The following DSTYK variants were observed in gnomAD, a reference collection of about 807,000 sequenced individuals.
DSTYK encodes RIP-homologous kinase.
Under a neutral mutation model 98.7 loss-of-function variants are expected in DSTYK, and 34 were observed. That is an observed-to-expected ratio of 0.34 (90% CI 0.26 to 0.46). The LOEUF (loss-of-function observed/expected upper bound fraction) is 0.46, where lower values mean the gene tolerates loss of function less well. Among genes scored for constraint, DSTYK ranks in the 20% least tolerant of loss-of-function variants. The pLI is 1.00. For synonymous variants in DSTYK, 462 were observed against 457.3 expected, an observed-to-expected ratio of 1.01 and a Z score of -0.13; for missense variants, 962 against 1,181.7, an observed-to-expected ratio of 0.81 and a Z score of 2.73.
At chr1:205,202,510 G>C in intron 1 of DSTYK, 1 of 866,716 alleles carries the variant, frequency 1.2e-6, no homozygotes, top group East Asian at 2.4e-5. Flanking sequence ...TAAGGGTTTA[G>C]ATGTAGATTC....
Position 205,169,329 on chromosome 1 carries a change from G to A in DSTYK, c.1158C>T (p.Ile386=). The A allele has an allele frequency of 6.2e-7, 1 of 1,614,134 alleles. No individual in the cohort carries two copies. Among genetic ancestry groups the A allele is most frequent in the Non-Finnish European group, 8.5e-7 (1 of 1,180,030 alleles). Reference sequence around the variant, plus strand: ...GAGTATATTCCAGACGTTTGGGAGTGATCTGCAGGTCCCGCTGCATGTCAA... The same window carrying A: ...GAGTATATTCCAGACGTTTGGGAGTAATCTGCAGGTCCCGCTGCATGTCAA... ...QAFDMQRDLQ[I]TPKRLEYTRK... Residue 386 remains isoleucine (I), a synonymous_variant, in exon 3 of 13, where the codon ATC becomes ATT. Coordinates refer to ENST00000367162, the MANE Select transcript of DSTYK (RefSeq NM_015375.3). The surrounding 1 kb of genome is among the most constrained non-coding windows in gnomAD (Gnocchi z 4.0).
chr1:205,156,160 C>A (rs1657553444), intron 10 of DSTYK, among the ~76,000 whole-genome samples: 1 of 152,200 alleles, frequency 6.6e-6, no homozygotes, highest in South Asian at 2.1e-4. Flanking sequence ...CCATGGAGAA[C>A]CTTTGCTAGG....
In DSTYK at chr1:205,150,004, G is replaced by A. The variant is rs1657356337; in HGVS notation, c.2467+676C>T. On this transcript the variant is annotated intron_variant, in intron 11 of 12. Coordinates refer to ENST00000367162, the MANE Select transcript of DSTYK (RefSeq NM_015375.3). The surrounding 1 kb of genome is among the most constrained non-coding windows in gnomAD (Gnocchi z 4.1). ...ACCTTTTAGCTCAATGGTTTTGGGA[G>A]TAGGTTTCTTCATCAATCTGGTCTC... Among the ~76,000 whole-genome samples, 1 of 152,150 alleles carries A rather than the reference G, an allele frequency of 6.6e-6. No individual in the cohort carries two copies. The highest frequency in any genetic ancestry group is 6.5e-5 in the Admixed American group (1 of 15,270).
intron 10 of DSTYK, 78 bp downstream of exon 10, chr1:205,157,195 C>A: frequency 7.9e-7 from 1 of 1,259,276 alleles, no homozygotes; most frequent in Non-Finnish European, 1.1e-6. Context: ...TAGGATCTAA[C>A]TTACATTTAC....
At chr1:205,192,807 A>G (rs772970443) in intron 1 of DSTYK, among the ~76,000 whole-genome samples, 6 of 152,180 alleles carry the variant, frequency 3.9e-5, no homozygotes, top group Non-Finnish European at 7.3e-5. Context: ...GGTTGTAGTG[A>G]GCCGAGATAA....
chr1:205,187,671 A>G lies in DSTYK; in HGVS notation c.401T>C (p.Val134Ala), dbSNP rs749611069. 1 of 1,614,058 alleles carries G rather than the reference A, an allele frequency of 6.2e-7. No individual in the cohort carries two copies. Among genetic ancestry groups the G allele is most frequent in the Non-Finnish European group, 8.5e-7 (1 of 1,180,010 alleles). Residue 134 changes from valine to alanine, a missense_variant, in exon 2 of 13, where the codon GTG becomes GCG. Physicochemically the swap from Val to Ala is moderately conservative, Grantham distance 64. Around this residue, in one of 4 missense-constraint regions of DSTYK, gnomAD observed 660 missense variants for 855.0 expected, o/e 0.77. Transcript: ENST00000367162. ...KCQLLNLLLG[V>A]QVLPTTKLGS... The stretch of plus-strand genomic sequence containing the variant: ...CAGCTTGGTGGTGGGAAGCACCTGC[A>G]CCCCCAACAGCAGATTCAACAGCTG...
At chr1:205,148,907 T>G (rs1657323121) in intron 11 of DSTYK, among the ~76,000 whole-genome samples, 1 of 151,638 alleles carries the variant, frequency 6.6e-6, no homozygotes, top group Non-Finnish European at 1.5e-5. Flanking sequence ...GAAAGTGTTT[T>G]TTTTTTTTTT....
chr1:205,170,614 A>T lies in DSTYK; in HGVS notation c.655-782T>A, dbSNP rs187332119. ...TGTTCTGAGTCTGTAGATATCCCGA[A>T]GTCTTAGCAACCTAAGTCTAAGAAA... On this transcript the variant is annotated intron_variant, in intron 2 of 12. Coordinates refer to ENST00000367162, the MANE Select transcript of DSTYK (RefSeq NM_015375.3). 2.6e-5 allele frequency among the ~76,000 whole-genome samples: 4 copies of T among 152,302 alleles called. No individual in the cohort carries two copies. The East Asian group carries it at 7.7e-4, about 29-fold the overall frequency.
At chr1:205,204,014 G>T (rs184150395) in intron 1 of DSTYK, among the ~76,000 whole-genome samples, 1 of 152,262 alleles carries the variant, frequency 6.6e-6, no homozygotes, top group East Asian at 1.9e-4. Context: ...AAAGGGAAAG[G>T]GTGCAAAGAG....
At chr1:205,173,130 A>G (rs1658116485) in intron 2 of DSTYK, 1 of 152,212 alleles carries the variant, frequency 6.6e-6, no homozygotes, top group Non-Finnish European at 1.5e-5. Context: ...GTGGTGGCTC[A>G]CACTTGTAAT....
At chr1:205,168,639 C>T (rs1246798604) in intron 3 of DSTYK, among the ~76,000 whole-genome samples, 2 of 152,156 alleles carry the variant, frequency 1.3e-5, no homozygotes, top group African/African-American at 4.8e-5. Flanking sequence ...AAGACCTGAC[C>T]AATCACTTTC....
chr1:205,154,665 C>T (rs997809862), intron 10 of DSTYK, among the ~76,000 whole-genome samples: 3 of 152,050 alleles, frequency 2.0e-5, no homozygotes, highest in Non-Finnish European at 4.4e-5. Flanking sequence ...ATTGTGGAAG[C>T]GACTTTGGAA....
chr1:205,192,856 C>G (rs1658752674), intron 1 of DSTYK, among the ~76,000 whole-genome samples: 1 of 152,124 alleles, frequency 6.6e-6, no homozygotes, highest in Non-Finnish European at 1.5e-5. Context: ...GAGCGAAACT[C>G]CATTTCAAAA....
At chr1:205,174,323 G>A (rs1309998560) in intron 2 of DSTYK, among the ~76,000 whole-genome samples, 4 of 151,954 alleles carry the variant, frequency 2.6e-5, no homozygotes, top group Non-Finnish European at 5.9e-5. Flanking sequence ...GATCAGCTTG[G>A]CCAATATGGT....
intron 1 of DSTYK, among the ~76,000 whole-genome samples, chr1:205,207,080 C>CTTT (rs34237326): frequency 1.0e-4 from 14 of 140,650 alleles, no homozygotes; most frequent in East Asian, 2.2e-4. Flanking sequence ...ACTCCAGTAT[C>CTTT]TTTTTTTTTT....
intron 2 of DSTYK, among the ~76,000 whole-genome samples, chr1:205,170,654 T>C (rs756488008): frequency 1.3e-5 from 2 of 152,208 alleles, no homozygotes; most frequent in Non-Finnish European, 2.9e-5. Context: ...TTTAGGAATA[T>C]GATCGATCAC....
chr1:205,211,438 C>A lies in DSTYK; in HGVS notation c.98G>T (p.Arg33Leu), dbSNP rs754601110. ...CAGCCGTCCCAGGTAGCGGCGGTAG[C>A]GGCCGAAGCCCCGGCACAGCTCGCG... ...MIRELCRGFGRYRRYLGRLRQ... is the reference protein window; with the variant it reads ...MIRELCRGFGLYRRYLGRLRQ... The change falls in exon 1 of 13, where the codon CGC (arginine) becomes CTC (leucine). Residue 33 changes from arginine (R) to leucine (L), a missense_variant. Around this residue, in one of 4 missense-constraint regions of DSTYK, gnomAD observed 168 missense variants for 120.0 expected, o/e 1.40. Coordinates refer to ENST00000367162, the MANE Select transcript of DSTYK (RefSeq NM_015375.3). The A allele has an allele frequency of 1.9e-6, 3 of 1,604,046 alleles. No homozygotes were observed. Among genetic ancestry groups the A allele is most frequent in the African/African-American group, 1.3e-5 (1 of 74,716 alleles).
intron 1 of DSTYK, chr1:205,202,566 C>A: frequency 1.0e-6 from 1 of 969,108 alleles, no homozygotes; most frequent in Non-Finnish European, 1.6e-6. Flanking sequence ...CTAAGATGCG[C>A]CGCTGGACCT....
intron 9 of DSTYK, 61 bp from the exon 10 acceptor site, chr1:205,157,447 T>C: frequency 7.4e-7 from 1 of 1,359,538 alleles, no homozygotes; most frequent in East Asian, 2.3e-5. Context: ...CAACTGACTA[T>C]ACTAGGGCAC....
Sources: allele counts gnomAD v4.1 joint callset (sites outside exome capture counted in the v4.1 genomes callset), GRCh38; gene constraint gnomAD v4.1.1; regional missense constraint gnomAD v4.1.1; non-coding constraint Gnocchi (gnomAD v3.1); transcripts MANE v1.5; gene names NCBI Gene and HGNC (gene_info 2026-07-23, HGNC 2026-07-21).